Variants in RARB observed in about 807,000 individuals in gnomAD.
RARB encodes retinoic acid receptor beta.
Under a neutral mutation model 51.9 loss-of-function variants are expected in RARB, and 17 were observed. That is an observed-to-expected ratio of 0.33 (90% CI 0.22 to 0.49). RARB has a LOEUF of 0.49. RARB is among the 20% of genes least tolerant of loss of function. The pLI is 0.99. For missense variants in RARB, 369 were observed against 550.8 expected (o/e 0.67, Z 3.30); for synonymous variants, 215 against 195.4 (o/e 1.10, Z -0.84).
intron 5 of RARB, among the ~76,000 whole-genome samples, chr3:25,414,190 A>C (rs1707641387): frequency 6.6e-6 from 1 of 152,198 alleles, no homozygotes; most frequent in East Asian, 1.9e-4. Context: ...TATTGTATCC[A>C]TCTTCTTTCA....
At chr3:25,585,083 A>G (rs920648904) in intron 5 of RARB, among the ~76,000 whole-genome samples, 1 of 151,980 alleles carries the variant, frequency 6.6e-6, no homozygotes, top group African/African-American at 2.4e-5. Flanking sequence ...GCTGCTTACT[A>G]GCTGTGTGAC....
intron 2 of RARB, among the ~76,000 whole-genome samples, chr3:24,884,765 C>A (rs1703237548): frequency 6.6e-6 from 1 of 152,246 alleles, no homozygotes; most frequent in South Asian, 2.1e-4. Flanking sequence ...ATCTAATTAA[C>A]TCTTTGTGTA....
At chr3:24,846,580 T>C (rs1002033808) in intron 1 of RARB, among the ~76,000 whole-genome samples, 2 of 152,188 alleles carry the variant, frequency 1.3e-5, no homozygotes, top group African/African-American at 4.8e-5. Flanking sequence ...GGCCAACAAA[T>C]TGCAGGAACT....
chr3:25,111,923 C>T (rs1699609593), intron 3 of RARB, among the ~76,000 whole-genome samples: 1 of 152,074 alleles, frequency 6.6e-6, no homozygotes, highest in Middle Eastern at 3.4e-3. Flanking sequence ...TATAATAAAC[C>T]TTTGATTTGG....
At chr3:25,463,900 A>G (rs1695308633) in intron 2 of RARB, among the ~76,000 whole-genome samples, 1 of 152,128 alleles carries the variant, frequency 6.6e-6, no homozygotes, top group Non-Finnish European at 1.5e-5. Flanking sequence ...GGTAGTCAGG[A>G]AAGTTATATG....
intron 2 of RARB, among the ~76,000 whole-genome samples, chr3:24,950,320 A>G (rs1402945422): frequency 3.9e-5 from 6 of 152,234 alleles, no homozygotes; most frequent in African/African-American, 1.4e-4. Context: ...CATCTCATAT[A>G]AAATACATGT....
chr3:25,380,604 C>A (rs1575357125), intron 5 of RARB, among the ~76,000 whole-genome samples: 1 of 152,148 alleles, frequency 6.6e-6, no homozygotes, highest in Non-Finnish European at 1.5e-5. Flanking sequence ...AAAAAATAAA[C>A]AAGCAACCAG....
intron 5 of RARB, among the ~76,000 whole-genome samples, chr3:25,587,412 TATA>T (rs1701435797): frequency 6.6e-6 from 1 of 152,148 alleles, no homozygotes. Flanking sequence ...TTTAAACATG[TATA>T]ATATCTCCTT....
chr3:25,390,470 A>C (rs1309321003), intron 5 of RARB, among the ~76,000 whole-genome samples: 1 of 152,158 alleles, frequency 6.6e-6, no homozygotes, highest in African/African-American at 2.4e-5. Context: ...ACCCAGTCTA[A>C]CGTATTTTGT....
chr3:25,411,587 C>A (rs1171010102), intron 5 of RARB, among the ~76,000 whole-genome samples: 1 of 152,204 alleles, frequency 6.6e-6, no homozygotes, highest in South Asian at 2.1e-4. Flanking sequence ...TGGCCTCACG[C>A]ACTAAATGCC....
intron 5 of RARB, among the ~76,000 whole-genome samples, chr3:25,183,576 A>C (rs1369407897): frequency 6.6e-6 from 1 of 152,178 alleles, no homozygotes; most frequent in East Asian, 1.9e-4. Flanking sequence ...TTCATATTCA[A>C]GTTTCAGTCA....
intron 2 of RARB, among the ~76,000 whole-genome samples, chr3:24,923,440 C>T (rs372505187): frequency 6.6e-6 from 1 of 152,044 alleles, no homozygotes; most frequent in South Asian, 2.1e-4. Flanking sequence ...CCATTGAGAT[C>T]TACCAATAAT....
chr3:25,282,942 G>A lies in RARB; in HGVS notation c.178+108367G>A, dbSNP rs1215219949. Among the ~76,000 whole-genome samples, 4 of 152,128 alleles carry A rather than the reference G, an allele frequency of 2.6e-5. No individual in the cohort carries two copies. The East Asian group carries it at 7.7e-4, about 29-fold the overall frequency. ...CAACTCCTCCAAATAGAAGGGGAGG[G>A]TAAAATGAAAGCTGTGGAAACCAAC... is the stretch of plus-strand genomic sequence containing the variant. On this transcript the variant is annotated intron_variant, in intron 5 of 11. Coordinates refer to the RARB transcript ENST00000383772.
intron 2 of RARB, among the ~76,000 whole-genome samples, chr3:24,971,669 T>TACATGATC (rs1490244295): frequency 1.2e-4 from 18 of 152,020 alleles, no homozygotes; most frequent in African/African-American, 4.3e-4. Context: ...AGGAGGTGAT[T>TACATGATC]ACATGATCAG....
intron 5 of RARB, among the ~76,000 whole-genome samples, chr3:25,183,327 C>T (rs748260319): frequency 5.9e-5 from 9 of 152,000 alleles, no homozygotes; most frequent in Non-Finnish European, 8.8e-5. Context: ...GCTACAAGTC[C>T]GTGATTATAA....
At chr3:24,960,089 C>T (rs183159078) in intron 2 of RARB, among the ~76,000 whole-genome samples, 1 of 152,090 alleles carries the variant, frequency 6.6e-6, no homozygotes, top group East Asian at 1.9e-4. Context: ...CATGTGGAGA[C>T]CTCCTCCTCT....
At chr3:24,868,852 T>A (rs1396780606) in intron 2 of RARB, among the ~76,000 whole-genome samples, 2 of 152,162 alleles carry the variant, frequency 1.3e-5, no homozygotes, top group Non-Finnish European at 2.9e-5. Context: ...CCCTGCCACT[T>A]CCAGATGGCC....
intron 3 of RARB, among the ~76,000 whole-genome samples, chr3:25,099,285 T>A (rs1699355509): frequency 6.6e-6 from 1 of 152,166 alleles, no homozygotes; most frequent in Non-Finnish European, 1.5e-5. Flanking sequence ...TAACTGTCCA[T>A]CCTTGTTTCA....
intron 2 of RARB, among the ~76,000 whole-genome samples, chr3:25,006,891 G>C (rs975374651): frequency 6.6e-6 from 1 of 152,026 alleles, no homozygotes; most frequent in African/African-American, 2.4e-5. Context: ...TTATGTCCTA[G>C]AGCTCCTTAT....
Sources: gnomAD v4.1 joint callset for allele counts (sites outside exome capture counted in the v4.1 genomes callset) on GRCh38, gnomAD v4.1.1 for gene constraint, MANE v1.5 for transcripts, NCBI Gene and HGNC (gene_info 2026-07-23, HGNC 2026-07-21) for gene names.